Variants in MORC1 observed in about 807,000 individuals in gnomAD.
MORC1 encodes the protein MORC family CW-type zinc finger protein 1.
A neutral mutation model predicts 134.9 loss-of-function variants in MORC1; 59 were observed. The observed-to-expected ratio is 0.44, with a 90% CI of 0.35 to 0.54. The LOEUF is 0.54. MORC1 is among the 20% of genes least tolerant of loss of function. MORC1 has a pLI of 0.00. For synonymous variants in MORC1, 395 were observed against 391.7 expected (o/e 1.01, Z -0.10); for missense variants, 947 against 1,134.5 (o/e 0.83, Z 2.37).
chr3:108,981,369 C>T (rs1947714600), intron 23 of MORC1, among the ~76,000 whole-genome samples: 2 of 152,088 alleles, frequency 1.3e-5, no homozygotes, highest in South Asian at 2.1e-4. Context: ...ATTATACTGT[C>T]TAACTTTGCT....
At chr3:109,036,501 T>C in intron 14 of MORC1, among the ~76,000 whole-genome samples, 1 of 152,190 alleles carries the variant, frequency 6.6e-6, no homozygotes, top group Middle Eastern at 3.4e-3. Flanking sequence ...TCTGTACATG[T>C]GCATATAAAA....
At chr3:109,022,187 C>T (rs1948974431) in intron 17 of MORC1, among the ~76,000 whole-genome samples, 1 of 152,106 alleles carries the variant, frequency 6.6e-6, no homozygotes, top group South Asian at 2.1e-4. Context: ...TATAAGGAGG[C>T]TGAAAAGCAC....
At chr3:109,024,875 G>A (rs974871545) in intron 17 of MORC1, among the ~76,000 whole-genome samples, 4 of 152,128 alleles carry the variant, frequency 2.6e-5, no homozygotes, top group African/African-American at 9.7e-5. Flanking sequence ...TGTTTTTCTA[G>A]CTTTCCCATC....
intron 6 of MORC1, among the ~76,000 whole-genome samples, chr3:109,097,293 G>A (rs981860382): frequency 1.3e-5 from 2 of 152,134 alleles, no homozygotes; most frequent in Non-Finnish European, 2.9e-5. Context: ...CAAAACCTTC[G>A]AAATCCTGAA....
intron 20 of MORC1, among the ~76,000 whole-genome samples, chr3:109,003,081 T>C (rs2107527316): frequency 6.6e-6 from 1 of 152,230 alleles, no homozygotes; most frequent in Middle Eastern, 3.4e-3. Flanking sequence ...ACCCTTATTA[T>C]AAACAGTCAT....
chr3:108,968,479 CT>C (rs1947278784), intron 26 of MORC1, among the ~76,000 whole-genome samples: 1 of 152,160 alleles, frequency 6.6e-6, no homozygotes, highest in African/African-American at 2.4e-5. Context: ...AGTTGTATGT[CT>C]TTTGGGAATT....
At chr3:109,034,033 C>A (rs1465223971) in intron 15 of MORC1, among the ~76,000 whole-genome samples, 1 of 152,086 alleles carries the variant, frequency 6.6e-6, no homozygotes, top group South Asian at 2.1e-4. Context: ...CACATACTGT[C>A]ATCAATTTCC....
intron 26 of MORC1, among the ~76,000 whole-genome samples, chr3:108,968,200 T>C (rs1421701599): frequency 6.6e-6 from 1 of 152,246 alleles, no homozygotes; most frequent in African/African-American, 2.4e-5. Context: ...CAAGTAACTC[T>C]TCAAACTGAA....
chr3:109,093,833 C>T (rs1424532730), intron 7 of MORC1, among the ~76,000 whole-genome samples: 3 of 152,126 alleles, frequency 2.0e-5, no homozygotes, highest in African/African-American at 7.2e-5. Flanking sequence ...TCATAATTTG[C>T]ATTATGAAAT....
chr3:108,998,508 C>G lies in MORC1; in HGVS notation c.2187+2049G>C, dbSNP rs1386596674. Among the ~76,000 whole-genome samples the G allele has an allele frequency of 3.9e-5, 6 of 152,248 alleles. No homozygotes were observed. The East Asian group carries it at 1.2e-3, about 29-fold the overall frequency. The stretch of plus-strand genomic sequence containing the variant: ...TTCTTCCTTAAGTGACAACCTCCTG[C>G]ACCACCATTAGCACTGAGTGCCTTC... On this transcript the variant is annotated intron_variant, in intron 21 of 27. Coordinates refer to ENST00000232603, the MANE Select transcript of MORC1 (RefSeq NM_014429.4).
In MORC1 at chr3:108,979,506, T is replaced by C. The variant is rs1947652346; in HGVS notation, c.2477+9A>G. On this transcript the variant is annotated intron_variant, in intron 24 of 27. Transcript: ENST00000232603. ...AAGCATGTGGAAATATGTGAGTAAATATCTTTACCTTAACTTAGACTTCAG... is the reference window on the plus strand; with the variant it reads ...AAGCATGTGGAAATATGTGAGTAAACATCTTTACCTTAACTTAGACTTCAG... 2.5e-6 allele frequency: 4 copies of C among 1,612,916 alleles called. No individual in the cohort carries two copies.
chr3:109,005,711 G>A (rs1368915117), intron 18 of MORC1, among the ~76,000 whole-genome samples: 1 of 152,184 alleles, frequency 6.6e-6, no homozygotes, highest in Admixed American at 6.5e-5. Context: ...GCCAATGAAA[G>A]ATGTATTTGC....
chr3:108,978,287 G>A (rs1411370142), intron 24 of MORC1, among the ~76,000 whole-genome samples: 2 of 152,170 alleles, frequency 1.3e-5, no homozygotes, highest in Admixed American at 1.3e-4. Flanking sequence ...GATATTTGGT[G>A]GTCAGAACTT....
chr3:109,091,772 TA>T (rs891579365), intron 8 of MORC1, among the ~76,000 whole-genome samples: 4 of 151,824 alleles, frequency 2.6e-5, no homozygotes, highest in Admixed American at 6.6e-5. Context: ...GTGATTAAAC[TA>T]AAAAAAAATT....
intron 27 of MORC1, among the ~76,000 whole-genome samples, chr3:108,961,052 C>G (rs2107344467): frequency 1.3e-5 from 2 of 152,330 alleles, no homozygotes; most frequent in Middle Eastern, 3.4e-3. Flanking sequence ...AATGTTCCCT[C>G]TTGGCTGACT....
chr3:108,970,171 G>C (rs1576578609), intron 25 of MORC1, among the ~76,000 whole-genome samples: 1 of 152,056 alleles, frequency 6.6e-6, no homozygotes, highest in African/African-American at 2.4e-5. Context: ...GCATTTAATA[G>C]AGAAAAGAAA....
At chr3:109,115,955 G>T (rs1485014232) in intron 1 of MORC1, among the ~76,000 whole-genome samples, 2 of 152,146 alleles carry the variant, frequency 1.3e-5, no homozygotes, top group Non-Finnish European at 2.9e-5. Context: ...AGTCCTGAAG[G>T]ATGAGAGAAT....
intron 8 of MORC1, among the ~76,000 whole-genome samples, chr3:109,077,793 G>A (rs1447843376): frequency 6.6e-6 from 1 of 152,014 alleles, no homozygotes; most frequent in African/African-American, 2.4e-5. Flanking sequence ...CACAGTAAGT[G>A]TGAATTAGCT....
intron 21 of MORC1, among the ~76,000 whole-genome samples, chr3:108,996,286 G>GTGCGCACACACACACACA (rs1553745317): frequency 2.0e-5 from 3 of 146,382 alleles, no homozygotes; most frequent in African/African-American, 7.7e-5. Context: ...GCGCGCGCGC[G>GTGCGCACACACACACACA]CACACACACA....
Sources: allele counts gnomAD v4.1 joint callset (sites outside exome capture counted in the v4.1 genomes callset), GRCh38; gene constraint gnomAD v4.1.1; transcripts MANE v1.5; gene names NCBI Gene and HGNC (gene_info 2026-07-23, HGNC 2026-07-21).